The following LYRM4 variants were observed in gnomAD, a reference collection of about 807,000 sequenced individuals.
LYRM4 encodes LYR motif containing 4.
In LYRM4, 9 loss-of-function variants were observed where a neutral mutation model predicts 11.7. The observed-to-expected ratio is 0.77, with a 90% CI of 0.46 to 1.34. LYRM4 has a LOEUF of 1.34. Ranked by LOEUF, LYRM4 falls within the 40% of genes most tolerant of loss-of-function variation. The pLI is 0.00. For missense variants in LYRM4, 133 were observed against 112.5 expected, an observed-to-expected ratio of 1.18 and a Z score of -0.82; for synonymous variants, 42 against 40.4, an observed-to-expected ratio of 1.04 and a Z score of -0.15.
chr6:5,118,004 A>G (rs1763202600), intron 2 of LYRM4, among the ~76,000 whole-genome samples: 1 of 151,466 alleles, frequency 6.6e-6, no homozygotes, highest in African/African-American at 2.4e-5. Flanking sequence ...TTTTTAAGAC[A>G]CTGCACTTTC....
chr6:5,113,379 C>T, intron 2 of LYRM4: 6 of 435,968 alleles, frequency 1.4e-5, no homozygotes, highest in South Asian at 8.0e-5. Flanking sequence ...GATCACGCCA[C>T]TGCACTCCAG....
chr6:5,098,871 T>C (rs905598035), downstream of LYRM4, among the ~76,000 whole-genome samples: 1 of 152,354 alleles, frequency 6.6e-6, no homozygotes. Context: ...TGGATGACTT[T>C]ACTCAATCCT....
chr6:5,239,777 C>T (rs890122782), intron 1 of LYRM4, among the ~76,000 whole-genome samples: 13 of 152,108 alleles, frequency 8.5e-5, no homozygotes, highest in African/African-American at 3.1e-4. Flanking sequence ...ACTTCCTAAT[C>T]GGCACAGGCC....
the LYRM4 span, among the ~76,000 whole-genome samples, chr6:5,054,664 T>C: frequency 2.6e-5 from 4 of 152,102 alleles, no homozygotes; most frequent in African/African-American, 9.7e-5. Context: ...AAAAACCACA[T>C]CAGCCCATGA....
chr6:5,127,036 G>A (rs769196081), intron 2 of LYRM4, among the ~76,000 whole-genome samples: 4 of 152,132 alleles, frequency 2.6e-5, no homozygotes, highest in Non-Finnish European at 4.4e-5. Flanking sequence ...TGCAACCTCC[G>A]CCTTCCGGGT....
At chr6:5,186,405 G>A (rs1302563399) in intron 2 of LYRM4, among the ~76,000 whole-genome samples, 3 of 152,078 alleles carry the variant, frequency 2.0e-5, no homozygotes, top group Non-Finnish European at 4.4e-5. Flanking sequence ...GGGAATTGAG[G>A]GTGTTCTGGC....
chr6:5,060,064 A>G, the LYRM4 span, among the ~76,000 whole-genome samples: 7 of 152,192 alleles, frequency 4.6e-5, no homozygotes, highest in African/African-American at 1.7e-4. Context: ...ATGTCCCATA[A>G]TATATTGAAC....
chr6:5,054,937 G>A, the LYRM4 span, among the ~76,000 whole-genome samples: 2 of 152,150 alleles, frequency 1.3e-5, no homozygotes, highest in Non-Finnish European at 2.9e-5. Context: ...CTCTTGTGGG[G>A]GAAATTTGCT....
the LYRM4 span, among the ~76,000 whole-genome samples, chr6:5,077,633 A>T: frequency 6.6e-6 from 1 of 152,236 alleles, no homozygotes; most frequent in African/African-American, 2.4e-5. Flanking sequence ...GGGGTGTAAG[A>T]TCTACCTGAG....
intron 1 of LYRM4, among the ~76,000 whole-genome samples, chr6:5,248,277 C>T (rs1764280761): frequency 6.6e-6 from 1 of 152,242 alleles, no homozygotes; most frequent in Non-Finnish European, 1.5e-5. Context: ...TCTCCCTGTG[C>T]TGTCACATTG....
At chr6:5,260,590 A>ACCCCCCGT in intron 1 of LYRM4, 58 bp downstream of exon 1, 1 of 1,270,492 alleles carries the variant, frequency 7.9e-7, no homozygotes, top group Non-Finnish European at 1.1e-6. Context: ...GTCAGCCCGC[A>ACCCCCCGT]CCCCCGGTCC....
chr6:5,101,968 C>CTTGTTTTTTTTTTTTTTTTTTTT (rs1762513713), downstream of LYRM4, among the ~76,000 whole-genome samples: 1 of 67,988 alleles, frequency 1.5e-5, no homozygotes, highest in Non-Finnish European at 3.0e-5. Flanking sequence ...CTAATGCTTT[C>CTTGTTTTTTTTTTTTTTTTTTTT]TTTTTTTTTT....
the LYRM4 span, among the ~76,000 whole-genome samples, chr6:5,039,604 A>T: frequency 2.0e-5 from 3 of 152,224 alleles, no homozygotes; most frequent in Non-Finnish European, 4.4e-5. Flanking sequence ...GCTTTCTGAT[A>T]TTTTGTAATC....
At position 5,216,745 on chromosome 6, in the gene LYRM4, G is replaced by C; in HGVS notation, c.87-7C>G. The C allele has an allele frequency of 6.2e-7, 1 of 1,607,672 alleles. No individual in the cohort carries two copies. Among genetic ancestry groups the C allele is most frequent in the East Asian group, 2.2e-5 (1 of 44,848 alleles). Reference sequence around the variant, plus strand: ...CCTCCTGACAGCATATGTTCTAAATGAATTCAGAGGAAAAAAAAGAAAAGG... The same window carrying C: ...CCTCCTGACAGCATATGTTCTAAATCAATTCAGAGGAAAAAAAAGAAAAGG... On this transcript the variant is annotated splice_region_variant and splice_polypyrimidine_tract_variant and intron_variant, in intron 1 of 2. Coordinates refer to ENST00000330636, the MANE Select transcript of LYRM4 (RefSeq NM_020408.6).
the LYRM4 span, chr6:5,086,284 C>T: frequency 6.5e-7 from 1 of 1,535,536 alleles, no homozygotes; most frequent in Non-Finnish European, 8.7e-7. Context: ...GCCGGCTGAG[C>T]TGCAGCCCGA....
chr6:5,208,360 T>C (rs1327735366), intron 2 of LYRM4, among the ~76,000 whole-genome samples: 4 of 152,248 alleles, frequency 2.6e-5, no homozygotes, highest in Admixed American at 2.0e-4. Context: ...GAGTTAATAA[T>C]ATCTGCTTCA....
At chr6:5,156,521 G>T (rs1232648196) in intron 2 of LYRM4, among the ~76,000 whole-genome samples, 1 of 152,346 alleles carries the variant, frequency 6.6e-6, no homozygotes, top group East Asian at 1.9e-4. Flanking sequence ...GAGGGGCAAA[G>T]AAATAAAAAG....
At chr6:5,159,091 T>C (rs1427248340) in intron 2 of LYRM4, among the ~76,000 whole-genome samples, 1 of 152,180 alleles carries the variant, frequency 6.6e-6, no homozygotes, top group Non-Finnish European at 1.5e-5. Flanking sequence ...CATGACCAGA[T>C]CTGTGTCTGG....
chr6:5,226,585 C>T (rs1762906870), intron 1 of LYRM4, among the ~76,000 whole-genome samples: 1 of 152,154 alleles, frequency 6.6e-6, no homozygotes, highest in Non-Finnish European at 1.5e-5. Flanking sequence ...CCATGTTGGT[C>T]AAGCTGGTCT....
Sources: allele counts gnomAD v4.1 joint callset (sites outside exome capture counted in the v4.1 genomes callset), GRCh38; gene constraint gnomAD v4.1.1; transcripts MANE v1.5; gene names NCBI Gene and HGNC (gene_info 2026-07-23, HGNC 2026-07-21).